The following PMPCA variants were observed in gnomAD, a reference collection of about 807,000 sequenced individuals.
PMPCA encodes the protein mitochondrial-processing peptidase subunit alpha.
In PMPCA, 47 loss-of-function variants were observed where a neutral mutation model predicts 59.3. The ratio of observed to expected loss-of-function variants is 0.79; its 90% CI spans 0.63 to 1.01. PMPCA has a LOEUF of 1.01. PMPCA is among the 50% of genes least tolerant of loss of function. PMPCA has a pLI of 0.00. For synonymous variants in PMPCA, 338 were observed against 290.3 expected (o/e 1.16, Z -1.67); for missense variants, 726 against 704.5 (o/e 1.03, Z -0.34).
At chr9:136,413,732 C>A (rs553761608) in intron 4 of PMPCA, among the ~76,000 whole-genome samples, 3 of 152,270 alleles carry the variant, frequency 2.0e-5, no homozygotes, top group Admixed American at 2.0e-4. Flanking sequence ...GGCTGGTGTC[C>A]TGACTCAGAC....
chr9:136,419,421 C>T (rs1316045908), intron 11 of PMPCA: 2 of 493,438 alleles, frequency 4.1e-6, no homozygotes, highest in Admixed American at 6.6e-5. Context: ...ATGTGACTCT[C>T]TCAGCTTTGC....
At chr9:136,419,564 A>G (rs1835388854) in intron 11 of PMPCA, 1 of 220,368 alleles carries the variant, frequency 4.5e-6, no homozygotes, top group Non-Finnish European at 9.3e-6. Flanking sequence ...CTATGTTTGA[A>G]ACTGTATTTG....
In PMPCA at chr9:136,419,098, G is replaced by A. The variant is rs751214293; in HGVS notation, c.1255G>A (p.Val419Met). 17 of 1,613,042 alleles carry A rather than the reference G, an allele frequency of 1.1e-5. No individual in the cohort carries two copies. Among genetic ancestry groups the A allele is most frequent in the Admixed American group, 1.7e-5 (1 of 60,008 alleles). ...GGAGTTTATTTTAATGGGCGGAACC[G>A]TGGACACGGTAAGTGCAGTGTGGCG... ...TKEFILMGGT[V>M]DTVELERAKT... Residue 419 changes from valine (V) to methionine (M), a missense_variant, in exon 11 of 13, where the codon GTG becomes ATG. Transcript: ENST00000371717.
chr9:136,422,310 T>C, intron 12 of PMPCA: 2 of 1,222,000 alleles, frequency 1.6e-6, no homozygotes, highest in South Asian at 3.2e-5. Flanking sequence ...GACTGCTACA[T>C]TGTACGTGGA....
chr9:136,413,309 G>A (rs561808091), intron 4 of PMPCA, among the ~76,000 whole-genome samples: 1 of 152,286 alleles, frequency 6.6e-6, no homozygotes, highest in African/African-American at 2.4e-5. Context: ...CGGGGCACAA[G>A]GCATTCCAGA....
chr9:136,414,510 G>T, intron 4 of PMPCA, 43 bp from the exon 5 acceptor site: 1 of 1,314,826 alleles, frequency 7.6e-7, no homozygotes, highest in South Asian at 1.2e-5. Context: ...TAAGCAGAGT[G>T]TGAGTTCAGG....
Position 136,412,005 on chromosome 9 carries a change from C to T in PMPCA, c.80C>T (p.Pro27Leu). Residue 27 changes from proline to leucine, a missense_variant, in exon 2 of 13, where the codon CCT becomes CTT. Physicochemically the swap from Pro to Leu is moderately conservative, Grantham distance 98. Coordinates refer to ENST00000371717, the MANE Select transcript of PMPCA (RefSeq NM_015160.3). The stretch of plus-strand genomic sequence containing the variant: ...CGCTTTCTCTGTTTTAGGTTTGGAC[C>T]TCCTGCGTACAGACGGTTTAGTAGT... Reference protein sequence around the residue: ...SWGCSRLRFGPPAYRRFSSGG... With the variant: ...SWGCSRLRFGLPAYRRFSSGG... The T allele has an allele frequency of 2.5e-6, 4 of 1,609,000 alleles. No homozygotes were observed. Among genetic ancestry groups the T allele is most frequent in the Non-Finnish European group, 3.4e-6 (4 of 1,175,700 alleles).
Position 136,423,446 on chromosome 9 carries a change from A to G in PMPCA, c.*182A>G. 4.7e-6 allele frequency: 3 copies of G among 639,674 alleles called. No homozygotes were observed. The highest frequency in any genetic ancestry group is 8.0e-6 in the Non-Finnish European group (3 of 375,644). 39.6% of individuals were successfully genotyped at this position (639,674 alleles called of 1,614,324 possible). ...ACTCAATGTGCCGATCAGTGGAGTC[A>G]GTATCGAGCCTGACCACCGCAAGCC... On this transcript the variant is annotated 3_prime_UTR_variant, in exon 13 of 13. Coordinates refer to ENST00000371717, the MANE Select transcript of PMPCA (RefSeq NM_015160.3).
In PMPCA at chr9:136,412,400, C is replaced by T. The variant is rs1463122770; in HGVS notation, c.275-90C>T. The T allele has an allele frequency of 5.2e-6, 4 of 775,222 alleles. No homozygotes were observed. The Admixed American group carries it at 8.9e-5, about 17-fold the overall frequency. The allele number at this position is 775,222 out of a possible 1,614,324, so 48.0% of individuals were successfully genotyped here. ...CCCTCATGTAATTAAATCTGATTAT[C>T]ATGTCATATTGACATCTTAAAATGT... On this transcript the variant is annotated intron_variant, in intron 2 of 12. Transcript: ENST00000371717.
At chr9:136,413,452 C>A (rs1417208481) in intron 4 of PMPCA, among the ~76,000 whole-genome samples, 1 of 152,116 alleles carries the variant, frequency 6.6e-6, no homozygotes, top group South Asian at 2.1e-4. Context: ...TCAGAAAGCA[C>A]TGGGCAATGT....
intron 12 of PMPCA, chr9:136,422,482 C>T: frequency 9.7e-7 from 1 of 1,033,716 alleles, no homozygotes; most frequent in Non-Finnish European, 1.2e-6. Flanking sequence ...GGCTTAAAAC[C>T]TGGCAAGGCT....
In PMPCA at chr9:136,418,541, C is replaced by T. The variant is rs749270532; in HGVS notation, c.991-14C>T. On this transcript the variant is annotated splice_polypyrimidine_tract_variant and intron_variant, in intron 8 of 12. Coordinates refer to ENST00000371717, the MANE Select transcript of PMPCA (RefSeq NM_015160.3). ...CGTGGGTGGTTCAGCCAGCTCTGCC[C>T]TCCGTCCCTGCAGGAGGAGGACTTC... The T allele has an allele frequency of 1.3e-4, 194 of 1,544,334 alleles. 1 individual carries two copies. Among genetic ancestry groups the T allele is most frequent in the South Asian group, 1.2e-3 (105 of 89,624 alleles).
chr9:136,418,223 A>G, intron 8 of PMPCA, 114 bp downstream of exon 8: 1 of 787,192 alleles, frequency 1.3e-6, no homozygotes. Context: ...TGGGCGGCTC[A>G]GCCAGCTCTG....
intron 5 of PMPCA, among the ~76,000 whole-genome samples, chr9:136,415,119 C>T (rs1835237559): frequency 6.6e-6 from 1 of 152,072 alleles, no homozygotes; most frequent in Non-Finnish European, 1.5e-5. Context: ...AGAAATAGTG[C>T]TAGTAGCCAG....
chr9:136,423,324 T>G lies in PMPCA; in HGVS notation c.*60T>G. ...CAGCTGGAGCCCGTTCCCGTGCGTG[T>G]TAGTTTGGACACGAATTTAGTCTAA... is the stretch of plus-strand genomic sequence containing the variant. On this transcript the variant is annotated 3_prime_UTR_variant, in exon 13 of 13. Coordinates refer to ENST00000371717, the MANE Select transcript of PMPCA (RefSeq NM_015160.3). The G allele has an allele frequency of 1.3e-6, 2 of 1,531,994 alleles. No individual in the cohort carries two copies. The highest frequency in any genetic ancestry group is 1.8e-6 in the Non-Finnish European group (2 of 1,129,194). The allele number at this position is 1,531,994 out of a possible 1,614,324, so 94.9% of individuals were successfully genotyped here. A position where few individuals can be genotyped will look rare whatever the true frequency, so the allele number is the denominator to read the frequency against.
chr9:136,412,063 T>C lies in PMPCA; in HGVS notation c.138T>C (p.Ser46=). 3 of 1,613,418 alleles carry C rather than the reference T, an allele frequency of 1.9e-6. No homozygotes were observed. Among genetic ancestry groups the C allele is most frequent in the Non-Finnish European group, 2.5e-6 (3 of 1,179,394 alleles). ...CCTATCCCAACATCCCCCTCTCTTC[T>C]CCCTTACCTGGAGTACCCAAGCCTG... The part of the protein sequence containing the change: ...GGAYPNIPLS[S]PLPGVPKPVF... Residue 46 remains serine, a synonymous_variant, in exon 2 of 13, where the codon TCT becomes TCC. Transcript: ENST00000371717.
chr9:136,419,387 A>G, intron 11 of PMPCA: 2 of 545,560 alleles, frequency 3.7e-6, no homozygotes, highest in Non-Finnish European at 6.6e-6. Context: ...TCTCTGAGCC[A>G]CTGGGTGAGT....
rs200019750 is a variant in PMPCA at position 136,412,863 on chromosome 9, T to C, written c.408T>C (p.His136=). ...AAATTCTGCTTACGTTGGAAAAGCA[T>C]GGGGGTATCTGTGACTGCCAGACAT... ...KDEILLTLEK[H]GGICDCQTSR... The change falls in exon 4 of 13, where the codon CAT becomes CAC. Residue 136 remains histidine (H), a synonymous_variant. Transcript: ENST00000371717. The C allele has an allele frequency of 1.9e-6, 3 of 1,608,074 alleles. No individual in the cohort carries two copies. The highest frequency in any genetic ancestry group is 2.2e-5 in the East Asian group (1 of 44,844).
chr9:136,417,291 T>G (rs1459067542), intron 7 of PMPCA, 77 bp downstream of exon 7: 1 of 1,271,434 alleles, frequency 7.9e-7, no homozygotes, highest in East Asian at 2.4e-5. Flanking sequence ...GTTTTTGTAT[T>G]GATTCTGAGG....
Sources: allele counts gnomAD v4.1 joint callset (sites outside exome capture counted in the v4.1 genomes callset), GRCh38; gene constraint gnomAD v4.1.1; transcripts MANE v1.5; gene names NCBI Gene and HGNC (gene_info 2026-07-23, HGNC 2026-07-21).